Variants in HIPK2 observed in about 807,000 individuals in gnomAD.
The protein encoded by HIPK2 is homeodomain interacting protein kinase 2, also known as homeodomain-interacting protein kinase 2.
Under a neutral mutation model 113.7 loss-of-function variants are expected in HIPK2, and 27 were observed. That is an observed-to-expected ratio of 0.24 (90% CI 0.17 to 0.33). The LOEUF (loss-of-function observed/expected upper bound fraction) is 0.33, where lower values mean the gene tolerates loss of function less well. HIPK2 is among the 10% of genes least tolerant of loss of function. The pLI, the probability that HIPK2 is intolerant of heterozygous loss-of-function variation, is 1.00. For synonymous variants in HIPK2, 631 were observed against 642.2 expected (o/e 0.98, Z 0.26); for missense variants, 1,257 against 1,588.0 (o/e 0.79, Z 3.54).
chr7:139,561,952 A>G lies in HIPK2; in HGVS notation c.*10975T>C, dbSNP rs1797961361. 1 of 152,244 alleles carries G rather than the reference A, an allele frequency of 6.6e-6. No homozygotes were observed. The highest frequency in any genetic ancestry group is 2.4e-5 in the African/African-American group (1 of 41,458). The allele number at this position is 152,244 out of a possible 1,614,324, so 9.4% of individuals were successfully genotyped here. On this transcript the variant is annotated 3_prime_UTR_variant, in exon 15 of 15. Coordinates refer to ENST00000406875, the MANE Select transcript of HIPK2 (RefSeq NM_022740.5). ...ACACGACGTCATGATGAAAAACACA[A>G]GCATTTTAGTAGCAAGGACTTGATC...
intron 1 of HIPK2, among the ~76,000 whole-genome samples, chr7:139,727,935 ATTTTTTTTTTTT>A (rs10524758): frequency 8.6e-6 from 1 of 116,664 alleles, no homozygotes. Context: ...GCATTGGCTA[ATTTTTTTTTTTT>A]TTTTTTTTTT....
chr7:139,669,372 A>G (rs935293246), intron 2 of HIPK2, among the ~76,000 whole-genome samples: 2 of 152,254 alleles, frequency 1.3e-5, no homozygotes, highest in African/African-American at 4.8e-5. Context: ...GTGACTGTAC[A>G]TAATTAAAGG....
intron 2 of HIPK2, among the ~76,000 whole-genome samples, chr7:139,695,050 G>A (rs996526104): frequency 6.6e-5 from 10 of 152,278 alleles, no homozygotes; most frequent in African/African-American, 2.2e-4. Context: ...TCCTAAACGT[G>A]CTCTTGCCTC....
At chr7:139,709,919 A>T (rs62491703) in intron 2 of HIPK2, among the ~76,000 whole-genome samples, 4,084 of 152,336 alleles carry the variant, frequency 0.027, 89 homozygotes, top group Non-Finnish European at 0.044. Flanking sequence ...TTCTGCAATC[A>T]AAGCATCGGA....
At chr7:139,731,305 G>A (rs937705305) in intron 1 of HIPK2, among the ~76,000 whole-genome samples, 29 of 152,156 alleles carry the variant, frequency 1.9e-4, no homozygotes, top group Admixed American at 7.9e-4. Flanking sequence ...TTACTCCCAC[G>A]TTTTAGTCTT....
intron 12 of HIPK2, among the ~76,000 whole-genome samples, chr7:139,585,910 G>A (rs1251671546): frequency 1.3e-5 from 2 of 151,172 alleles, no homozygotes; most frequent in African/African-American, 4.9e-5. Flanking sequence ...ATGATATCTC[G>A]GAGATCTACG....
intron 1 of HIPK2, among the ~76,000 whole-genome samples, chr7:139,740,860 A>C (rs1224681211): frequency 1.3e-5 from 2 of 152,172 alleles, no homozygotes; most frequent in Admixed American, 6.5e-5. Context: ...AAAAGTACAA[A>C]TTCCGGCCAG....
intron 2 of HIPK2, among the ~76,000 whole-genome samples, chr7:139,636,904 T>C (rs547041523): frequency 7.9e-5 from 12 of 152,312 alleles, no homozygotes; most frequent in African/African-American, 2.4e-4. Flanking sequence ...GAATGTCTCA[T>C]AGTCATCTCC....
intron 1 of HIPK2, 50 bp downstream of exon 1, chr7:139,777,555 G>A: frequency 6.7e-6 from 6 of 891,364 alleles, no homozygotes; most frequent in Non-Finnish European, 8.2e-6. Context: ...AAGCTGCGGG[G>A]GCCGCGGAGG....
chr7:139,578,946 T>C (rs1027111822), intron 13 of HIPK2, among the ~76,000 whole-genome samples: 3 of 152,234 alleles, frequency 2.0e-5, no homozygotes, highest in African/African-American at 7.2e-5. Flanking sequence ...AGTGCTGGGA[T>C]TATAGGCGTG....
intron 1 of HIPK2, among the ~76,000 whole-genome samples, chr7:139,729,988 C>T (rs1464444760): frequency 6.6e-6 from 1 of 152,174 alleles, no homozygotes. Flanking sequence ...GACAAGTAAA[C>T]CAGACCTGCA....
intron 7 of HIPK2, among the ~76,000 whole-genome samples, chr7:139,617,085 C>A (rs571695811): frequency 6.6e-6 from 1 of 152,322 alleles, no homozygotes; most frequent in African/African-American, 2.4e-5. Context: ...GTTGAAGAAG[C>A]CCATGTGAGG....
At position 139,587,881 on chromosome 7, in the gene HIPK2, A is replaced by AAAAT. The variant is rs746012292; in HGVS notation, c.2718-3821_2718-3818dup. ...TGACAAAGAGACCTACACTCTAAAG[A>AAAAT]AAATAAATAAATAAATAAAAATAGT... On this transcript the variant is annotated intron_variant, in intron 12 of 14. Coordinates refer to ENST00000406875, the MANE Select transcript of HIPK2 (RefSeq NM_022740.5). Among the ~76,000 whole-genome samples, 156 of 152,246 alleles carry AAAAT rather than the reference A, an allele frequency of 1.0e-3. 1 individual carries two copies. The highest frequency in any genetic ancestry group is 6.6e-3 in the Admixed American group (101 of 15,278).
At chr7:139,761,877 G>T in intron 1 of HIPK2, among the ~76,000 whole-genome samples, 1 of 152,100 alleles carries the variant, frequency 6.6e-6, no homozygotes, top group Non-Finnish European at 1.5e-5. Context: ...AAAAAAATGT[G>T]CACACATCTA....
intron 12 of HIPK2, among the ~76,000 whole-genome samples, chr7:139,595,841 G>A (rs983746081): frequency 2.6e-5 from 4 of 152,114 alleles, no homozygotes; most frequent in African/African-American, 4.8e-5. Flanking sequence ...TTAATAATTC[G>A]AGCCTAATTG....
intron 12 of HIPK2, among the ~76,000 whole-genome samples, chr7:139,585,439 C>G (rs1798802605): frequency 2.0e-5 from 3 of 152,250 alleles, no homozygotes; most frequent in Non-Finnish European, 4.4e-5. Flanking sequence ...CTCCTGACAT[C>G]TAGGCTGGAT....
intron 1 of HIPK2, among the ~76,000 whole-genome samples, chr7:139,767,020 C>T (rs1322238236): frequency 6.6e-6 from 1 of 152,192 alleles, no homozygotes; most frequent in Non-Finnish European, 1.5e-5. Flanking sequence ...TTCTGGAAGT[C>T]ACAGCCACAA....
chr7:139,700,091 C>T (rs1794666662), intron 2 of HIPK2, among the ~76,000 whole-genome samples: 2 of 152,170 alleles, frequency 1.3e-5, no homozygotes, highest in African/African-American at 2.4e-5. Flanking sequence ...CTCAGTGGCG[C>T]TCTCTAGAGG....
Position 139,631,365 on chromosome 7 carries a change from G to C in HIPK2, c.1228-81C>G. On this transcript the variant is annotated intron_variant, in intron 3 of 14. Coordinates refer to ENST00000406875, the MANE Select transcript of HIPK2 (RefSeq NM_022740.5). This position sits in a 1 kb window ranked among gnomAD's most constrained non-coding sequence, Gnocchi z 4.9. ...ATACTAATGGCTCTGCTGGCTTTGA[G>C]AAAAATGAAAATGACAATTTTTGTA... 2 of 1,465,358 alleles carry C rather than the reference G, an allele frequency of 1.4e-6. No individual in the cohort carries two copies. The highest frequency in any genetic ancestry group is 2.9e-5 in the South Asian group (2 of 69,838). 90.8% of individuals were successfully genotyped at this position (1,465,358 alleles called of 1,614,324 possible). A position where few individuals can be genotyped will look rare whatever the true frequency, so the allele number is the denominator to read the frequency against.
Sources: allele counts gnomAD v4.1 joint callset (sites outside exome capture counted in the v4.1 genomes callset), GRCh38; gene constraint gnomAD v4.1.1; non-coding constraint Gnocchi (gnomAD v3.1); transcripts MANE v1.5; gene names NCBI Gene and HGNC (gene_info 2026-07-23, HGNC 2026-07-21).